Variants in MEP1B observed in about 807,000 individuals in gnomAD.
The protein encoded by MEP1B is meprin A subunit beta.
In MEP1B, 80 loss-of-function variants were observed where a neutral mutation model predicts 84.6. That is an observed-to-expected ratio of 0.95 (90% CI 0.79 to 1.14). The LOEUF is 1.14. Ranked by LOEUF, MEP1B falls within the 50% of genes most tolerant of loss-of-function variation. The pLI, the probability that MEP1B is intolerant of heterozygous loss-of-function variation, is 0.00. For missense variants in MEP1B, 766 were observed against 855.1 expected (o/e 0.90, Z 1.30); for synonymous variants, 273 against 288.1 (o/e 0.95, Z 0.53).
intron 11 of MEP1B, among the ~76,000 whole-genome samples, chr18:32,213,942 G>A (rs1161708738): frequency 6.6e-6 from 1 of 152,168 alleles, no homozygotes; most frequent in Non-Finnish European, 1.5e-5. Flanking sequence ...CAGCTGTAAA[G>A]CCAGGGCTGT....
At chr18:32,192,907 T>A in intron 4 of MEP1B, 90 bp downstream of exon 4, 1 of 988,946 alleles carries the variant, frequency 1.0e-6, no homozygotes, top group South Asian at 1.4e-5. Context: ...GCATGAACTT[T>A]GTTAAGCCTA....
chr18:32,213,072 A>T (rs763328422), intron 10 of MEP1B, 44 bp from the exon 11 acceptor site: 61 of 1,557,990 alleles, frequency 3.9e-5, no homozygotes, highest in Non-Finnish European at 5.0e-5. Flanking sequence ...CATGTACATG[A>T]TTTGAACTTC....
At chr18:32,191,679 C>T in intron 1 of MEP1B, 143 bp from the exon 2 acceptor site, 1 of 477,030 alleles carries the variant, frequency 2.1e-6, no homozygotes, top group Non-Finnish European at 3.7e-6. Context: ...TTCAATTTAG[C>T]CATCCTAAAT....
intron 9 of MEP1B, among the ~76,000 whole-genome samples, chr18:32,208,965 G>A (rs2040994229): frequency 6.6e-6 from 1 of 152,144 alleles, no homozygotes; most frequent in Non-Finnish European, 1.5e-5. Context: ...AGTGGATAGT[G>A]GTCCTACTCA....
intron 9 of MEP1B, 88 bp from the exon 10 acceptor site, chr18:32,210,413 C>T (rs9959058): frequency 0.078 from 85,423 of 1,093,244 alleles, 5,188 homozygotes; most frequent in African/African-American, 0.29. Context: ...ACTTATGCCT[C>T]GCGTAAAGAA....
chr18:32,197,277 C>T (rs1212187425), intron 5 of MEP1B, among the ~76,000 whole-genome samples: 1 of 152,158 alleles, frequency 6.6e-6, no homozygotes, highest in African/African-American at 2.4e-5. Flanking sequence ...ACATGGTCTT[C>T]ATTTTAATCT....
rs753294211 is a variant in MEP1B at position 32,217,832 on chromosome 18, T to A, written c.1958T>A (p.Ile653Lys). ...AAGAGAGGCTCCACCCGAGACACCA[T>A]AGTCATTGCTGTTTCATCTACTGTT... ...CEKRGSTRDT[I>K]VIAVSSTVAV... Residue 653 changes from isoleucine (I) to lysine (K), a missense_variant, in exon 14 of 15, where the codon ATA (isoleucine) becomes AAA (lysine). Ile to Lys is a moderately radical substitution (Grantham distance 102). Transcript: ENST00000269202. The A allele has an allele frequency of 6.2e-6, 10 of 1,613,788 alleles. No homozygotes were observed. The highest frequency in any genetic ancestry group is 8.5e-6 in the Non-Finnish European group (10 of 1,179,832).
rs367642657 is a variant in MEP1B, at chr18:32,217,831, A to C, written c.1957A>C (p.Ile653Leu). The change falls in exon 14 of 15, where the codon ATA (isoleucine) becomes CTA (leucine). Residue 653 changes from isoleucine (I) to leucine (L), a missense_variant. By Grantham distance (5) the Ile-to-Leu change is conservative (BLOSUM62 2). Transcript: ENST00000269202. ...AAAGAGAGGCTCCACCCGAGACACCATAGTCATTGCTGTTTCATCTACTGT... is the reference window on the plus strand; with the variant it reads ...AAAGAGAGGCTCCACCCGAGACACCCTAGTCATTGCTGTTTCATCTACTGT... Reference protein sequence around the residue: ...CEKRGSTRDTIVIAVSSTVAV... With the variant: ...CEKRGSTRDTLVIAVSSTVAV... The C allele has an allele frequency of 6.2e-7, 1 of 1,614,006 alleles. No individual in the cohort carries two copies. Among genetic ancestry groups the C allele is most frequent in the Non-Finnish European group, 8.5e-7 (1 of 1,179,878 alleles).
At position 32,196,663 on chromosome 18, in the gene MEP1B, T is replaced by C. The variant is rs1013606234; in HGVS notation, c.250+1178T>C. ...TTGTCCAGCACGCCACCTCGGGGTG[T>C]CTTCCCCAAGCACCAGCGCATGAGG... On this transcript the variant is annotated intron_variant, in intron 5 of 14. Coordinates refer to ENST00000269202, the MANE Select transcript of MEP1B (RefSeq NM_005925.3). This position sits in a 1 kb window ranked among gnomAD's most constrained non-coding sequence, Gnocchi z 4.4. The C allele has an allele frequency of 1.5e-6, 1 of 672,134 alleles. No homozygotes were observed. The highest frequency in any genetic ancestry group is 2.7e-6 in the Non-Finnish European group (1 of 367,648). 41.6% of individuals were successfully genotyped at this position (672,134 alleles called of 1,614,324 possible).
rs2041137795 is a variant in MEP1B, at chr18:32,220,300, G to T, written c.*55G>T. ...GAAATTAAAAAGGATTCTTCATCAT[G>T]GATTTCGCCTAAGTGATATTACAGC... On this transcript the variant is annotated 3_prime_UTR_variant, in exon 15 of 15. Transcript: ENST00000269202. The T allele has an allele frequency of 3.9e-6, 6 of 1,551,204 alleles. No individual in the cohort carries two copies. Among genetic ancestry groups the T allele is most frequent in the South Asian group, 3.5e-5 (3 of 86,388 alleles).
At chr18:32,201,391 G>A (rs984087335) in intron 5 of MEP1B, among the ~76,000 whole-genome samples, 1 of 151,574 alleles carries the variant, frequency 6.6e-6, no homozygotes, top group African/African-American at 2.4e-5. Flanking sequence ...CGGATTAAAA[G>A]CCCAGCTGTG....
rs527344144 is a variant in MEP1B at position 32,196,038 on chromosome 18, C to T, written c.250+553C>T. 3.3e-5 allele frequency: 13 copies of T among 396,746 alleles called. No homozygotes were observed. The highest frequency in any genetic ancestry group is 2.2e-4 in the South Asian group (10 of 44,970). The allele number at this position is 396,746 out of a possible 1,614,324, so 24.6% of individuals were successfully genotyped here. ...CTGTCCCTCTCTATCCCTGCAAGTTCGGGGAAGAAGGGTCATTGGCAGCCC... is the reference window on the plus strand; with the variant it reads ...CTGTCCCTCTCTATCCCTGCAAGTTTGGGGAAGAAGGGTCATTGGCAGCCC... On this transcript the variant is annotated intron_variant, in intron 5 of 14. Coordinates refer to ENST00000269202, the MANE Select transcript of MEP1B (RefSeq NM_005925.3). The surrounding 1 kb of genome is among the most constrained non-coding windows in gnomAD (Gnocchi z 4.4).
chr18:32,203,341 G>A (rs1038392676), intron 6 of MEP1B, among the ~76,000 whole-genome samples: 11 of 152,140 alleles, frequency 7.2e-5, no homozygotes, highest in African/African-American at 2.7e-4. Context: ...CCATGTCTGT[G>A]CTTAAGCTTA....
intron 1 of MEP1B, among the ~76,000 whole-genome samples, chr18:32,190,640 A>G (rs2040793584): frequency 6.6e-6 from 1 of 152,164 alleles, no homozygotes; most frequent in African/African-American, 2.4e-5. Flanking sequence ...TCAAATGGCT[A>G]GTGGAAAACC....
At chr18:32,209,818 A>G (rs12953397) in intron 9 of MEP1B, among the ~76,000 whole-genome samples, 5,590 of 150,510 alleles carry the variant, frequency 0.037, 145 homozygotes, top group Middle Eastern at 0.076. Flanking sequence ...TAAAAAAAAA[A>G]GGGGGGCGGG....
intron 14 of MEP1B, among the ~76,000 whole-genome samples, 183 bp downstream of exon 14, chr18:32,218,148 G>T (rs1174058115): frequency 6.6e-6 from 1 of 152,146 alleles, no homozygotes; most frequent in East Asian, 1.9e-4. Flanking sequence ...TTCTTAAACT[G>T]GGATTTATGG....
At position 32,196,672 on chromosome 18, in the gene MEP1B, A is replaced by G; in HGVS notation, c.250+1187A>G. The stretch of plus-strand genomic sequence containing the variant: ...ACGCCACCTCGGGGTGTCTTCCCCA[A>G]GCACCAGCGCATGAGGTAGTGGGCG... On this transcript the variant is annotated intron_variant, in intron 5 of 14. Transcript: ENST00000269202. The surrounding 1 kb of genome is among the most constrained non-coding windows in gnomAD (Gnocchi z 4.4). 1 of 664,892 alleles carries G rather than the reference A, an allele frequency of 1.5e-6. No homozygotes were observed. The highest frequency in any genetic ancestry group is 2.7e-6 in the Non-Finnish European group (1 of 363,956). 41.2% of individuals were successfully genotyped at this position (664,892 alleles called of 1,614,324 possible). A position where few individuals can be genotyped will look rare whatever the true frequency, so the allele number is the denominator to read the frequency against.
chr18:32,190,625 A>G (rs1011965830), intron 1 of MEP1B, among the ~76,000 whole-genome samples: 1 of 152,136 alleles, frequency 6.6e-6, no homozygotes, highest in Non-Finnish European at 1.5e-5. Flanking sequence ...GTTTTAAATG[A>G]AGTTTCAAAT....
intron 13 of MEP1B, 118 bp downstream of exon 13, chr18:32,217,235 C>G: frequency 8.4e-7 from 1 of 1,196,486 alleles, no homozygotes; most frequent in Non-Finnish European, 1.1e-6. Flanking sequence ...CATCTCACAG[C>G]CATTCATAGA....
Sources: allele counts gnomAD v4.1 joint callset (sites outside exome capture counted in the v4.1 genomes callset), GRCh38; gene constraint gnomAD v4.1.1; non-coding constraint Gnocchi (gnomAD v3.1); transcripts MANE v1.5; gene names NCBI Gene and HGNC (gene_info 2026-07-23, HGNC 2026-07-21).